Variants in ZFPM1 observed in about 807,000 individuals in gnomAD.
ZFPM1 encodes the protein zinc finger protein ZFPM1.
ZFPM1 carries 28 observed loss-of-function variants against 46.3 expected under a neutral mutation model. The ratio of observed to expected loss-of-function variants is 0.60; its 90% confidence interval spans 0.45 to 0.83. The LOEUF is 0.83. Ranked by LOEUF, ZFPM1 falls within the 40% of genes least tolerant of loss-of-function variation. The pLI, the probability that ZFPM1 is intolerant of heterozygous loss-of-function variation, is 0.00. For synonymous variants in ZFPM1, 957 were observed against 675.9 expected, an observed-to-expected ratio of 1.42 and a Z score of -6.45; for missense variants, 1,878 against 1,432.4, an observed-to-expected ratio of 1.31 and a Z score of -5.02.
chr16:88,523,737 C>T (rs995118156), intron 4 of ZFPM1, among the ~76,000 whole-genome samples: 1 of 152,130 alleles, frequency 6.6e-6, no homozygotes, highest in Admixed American at 6.5e-5. Context: ...CAGTGGGGGC[C>T]GTGGCAGGGT....
rs1286775154 is a variant in ZFPM1 at position 88,497,562 on chromosome 16, G to A, written c.268+8409G>A. ...GGGGTTCAGCGGGGTCAGGGCGGGG[G>A]CTCAGTGCCAGGGACTGCAAGGAGC... On this transcript the variant is annotated intron_variant, in intron 3 of 9. Transcript: ENST00000319555. The surrounding 1 kb of genome is among the most constrained non-coding windows in gnomAD (Gnocchi z 5.4). Among the ~76,000 whole-genome samples, 2 of 151,964 alleles carry A rather than the reference G, an allele frequency of 1.3e-5. No homozygotes were observed. The highest frequency in any genetic ancestry group is 4.8e-5 in the African/African-American group (2 of 41,358).
chr16:88,533,484 C>G lies in ZFPM1; in HGVS notation c.1526C>G (p.Pro509Arg). The G allele has an allele frequency of 7.1e-7, 1 of 1,402,916 alleles. No homozygotes were observed. The highest frequency in any genetic ancestry group is 9.2e-7 in the Non-Finnish European group (1 of 1,085,354). The allele number at this position is 1,402,916 out of a possible 1,614,324, so 86.9% of individuals were successfully genotyped here. A position where few individuals can be genotyped will look rare whatever the true frequency, so the allele number is the denominator to read the frequency against. Residue 509 changes from proline (P) to arginine (R), a missense_variant, in exon 10 of 10, where the codon CCG becomes CGG. Coordinates refer to ENST00000319555, the MANE Select transcript of ZFPM1 (RefSeq NM_153813.3). The stretch of plus-strand genomic sequence containing the variant: ...AAGGCCGAGCTGTCCAGCCCCACGC[C>G]GGGCTCCAGCCCGGTGCCCGGCGAG... The part of the protein sequence containing the change: ...RVKAELSSPT[P>R]GSSPVPGELG...
chr16:88,498,743 C>G (rs1316503603), intron 3 of ZFPM1, among the ~76,000 whole-genome samples: 1 of 152,248 alleles, frequency 6.6e-6, no homozygotes, highest in African/African-American at 2.4e-5. Context: ...CAGCAGTCAG[C>G]TCAGAGCCTG....
At chr16:88,493,596 G>A (rs1909749164) in intron 3 of ZFPM1, among the ~76,000 whole-genome samples, 1 of 149,410 alleles carries the variant, frequency 6.7e-6, no homozygotes, top group South Asian at 2.1e-4. Context: ...GCTGTCCCGG[G>A]GTAGGGAGAG....
At chr16:88,473,967 A>C (rs1179868702) in intron 1 of ZFPM1, among the ~76,000 whole-genome samples, 1 of 152,014 alleles carries the variant, frequency 6.6e-6, no homozygotes, top group Admixed American at 6.5e-5. Flanking sequence ...CATGTAATCT[A>C]TCAGTGGCTA....
At chr16:88,515,717 G>C (rs375982379) in intron 4 of ZFPM1, among the ~76,000 whole-genome samples, 2 of 152,222 alleles carry the variant, frequency 1.3e-5, no homozygotes, top group Non-Finnish European at 2.9e-5. Context: ...GAACGGCAGC[G>C]GAAGCTCAGT....
chr16:88,525,860 T>G (rs1912272994), intron 4 of ZFPM1, among the ~76,000 whole-genome samples: 1 of 152,100 alleles, frequency 6.6e-6, no homozygotes. Context: ...CGGGGTGCAA[T>G]GGATGCAGGA....
At chr16:88,491,473 G>T (rs11863329) in intron 3 of ZFPM1, among the ~76,000 whole-genome samples, 1 of 152,210 alleles carries the variant, frequency 6.6e-6, no homozygotes, top group African/African-American at 2.4e-5. Context: ...GATGCAGGAC[G>T]CATCCACCGT....
Position 88,526,800 on chromosome 16 carries a change from C to T in ZFPM1, c.403-14C>T, listed in dbSNP as rs772903638. Reference sequence around the variant, plus strand: ...ACGGACCCCTCCCCACGTGTTCCTACCCTCCCCCCCCAGAGCCCAGCCCTG... The same window carrying T: ...ACGGACCCCTCCCCACGTGTTCCTATCCTCCCCCCCCAGAGCCCAGCCCTG... On this transcript the variant is annotated splice_polypyrimidine_tract_variant and intron_variant, in intron 4 of 9. Coordinates refer to ENST00000319555, the MANE Select transcript of ZFPM1 (RefSeq NM_153813.3). The T allele has an allele frequency of 1.0e-5, 13 of 1,255,690 alleles. 1 individual carries two copies. In the Admixed American group the frequency reaches 3.5e-4, roughly 33 times the overall value. 77.8% of individuals were successfully genotyped at this position (1,255,690 alleles called of 1,614,324 possible).
intron 1 of ZFPM1, among the ~76,000 whole-genome samples, chr16:88,474,279 T>C (rs55868347): frequency 0.036 from 5,459 of 152,140 alleles, 329 homozygotes; most frequent in African/African-American, 0.13. Flanking sequence ...TGGCCCTGGC[T>C]CCAGAGAAGG....
rs1253251216 is a variant in ZFPM1, at chr16:88,533,268, C to T, written c.1310C>T (p.Thr437Ile). The T allele has an allele frequency of 1.3e-6, 2 of 1,528,000 alleles. No homozygotes were observed. Among genetic ancestry groups the T allele is most frequent in the Admixed American group, 2.0e-5 (1 of 49,808 alleles). The allele number at this position is 1,528,000 out of a possible 1,614,324, so 94.7% of individuals were successfully genotyped here. The change falls in exon 10 of 10, where the codon ACC becomes ATC. Residue 437 changes from threonine to isoleucine, a missense_variant. By Grantham distance (89) the Thr-to-Ile change is moderately conservative. Transcript: ENST00000319555. ...GLDRKALAEA[T>I]NGEARAEPLA... ...GACAGAAAGGCCCTGGCCGAGGCCA[C>T]CAACGGAGAGGCCAGAGCGGAGCCT... is the stretch of plus-strand genomic sequence containing the variant.
intron 1 of ZFPM1, among the ~76,000 whole-genome samples, chr16:88,457,276 G>A (rs1263780903): frequency 3.3e-5 from 5 of 152,380 alleles, no homozygotes; most frequent in East Asian, 1.9e-4. Flanking sequence ...GGAGGCACCC[G>A]GGTGTTGAGG....
chr16:88,490,651 C>T (rs1909513084), intron 3 of ZFPM1, among the ~76,000 whole-genome samples: 1 of 152,188 alleles, frequency 6.6e-6, no homozygotes, highest in Non-Finnish European at 1.5e-5. Flanking sequence ...TAACGCTGCC[C>T]CTTCCCACAA....
chr16:88,478,430 C>T (rs370747458), intron 1 of ZFPM1, among the ~76,000 whole-genome samples: 2 of 152,230 alleles, frequency 1.3e-5, no homozygotes, highest in Non-Finnish European at 2.9e-5. Context: ...CCTCTTCATT[C>T]TTCATCTCCA....
chr16:88,503,986 T>C (rs773031050), intron 3 of ZFPM1, among the ~76,000 whole-genome samples: 5 of 151,938 alleles, frequency 3.3e-5, no homozygotes, highest in Non-Finnish European at 7.4e-5. Flanking sequence ...ACCAGCGTCC[T>C]CACCAGCACC....
chr16:88,502,275 G>T (rs1327629569), intron 3 of ZFPM1, among the ~76,000 whole-genome samples: 1 of 152,098 alleles, frequency 6.6e-6, no homozygotes, highest in Non-Finnish European at 1.5e-5. Flanking sequence ...AGCAGGGCCT[G>T]AGATGCGGCA....
intron 4 of ZFPM1, among the ~76,000 whole-genome samples, chr16:88,517,364 A>G (rs1911397943): frequency 7.8e-6 from 1 of 127,972 alleles, no homozygotes; most frequent in African/African-American, 3.0e-5. Context: ...GTGGGTGGAT[A>G]ATGGGTGGAT....
At chr16:88,502,577 T>C (rs894994246) in intron 3 of ZFPM1, among the ~76,000 whole-genome samples, 11 of 152,144 alleles carry the variant, frequency 7.2e-5, no homozygotes, top group African/African-American at 2.7e-4. Flanking sequence ...CACTGTCCCT[T>C]CCCGTCCAGT....
In ZFPM1 at chr16:88,534,585, C is replaced by A. The variant is rs1254233695; in HGVS notation, c.2627C>A (p.Ala876Glu). ...RGDLLEHFRLAHGLLLGAPLA... is the reference protein window; with the variant it reads ...RGDLLEHFRLEHGLLLGAPLA... ...GACCTGCTGGAGCATTTCCGCCTGG[C>A]GCACGGCCTGCTGCTCGGCGCGCCC... The change falls in exon 10 of 10, where the codon GCG becomes GAG. Residue 876 changes from alanine (A) to glutamate (E), a missense_variant. Physicochemically the swap from Ala to Glu is moderately radical, Grantham distance 107. Coordinates refer to ENST00000319555, the MANE Select transcript of ZFPM1 (RefSeq NM_153813.3). 2 of 1,264,980 alleles carry A rather than the reference C, an allele frequency of 1.6e-6. No individual in the cohort carries two copies. The highest frequency in any genetic ancestry group is 2.0e-6 in the Non-Finnish European group (2 of 1,003,334). 78.4% of individuals were successfully genotyped at this position (1,264,980 alleles called of 1,614,324 possible).
Sources: allele counts gnomAD v4.1 joint callset (sites outside exome capture counted in the v4.1 genomes callset), GRCh38; gene constraint gnomAD v4.1.1; non-coding constraint Gnocchi (gnomAD v3.1); transcripts MANE v1.5; gene names NCBI Gene and HGNC (gene_info 2026-07-23, HGNC 2026-07-21).